The following SUDS3 variants were observed in gnomAD, a reference collection of about 807,000 sequenced individuals.
The protein encoded by SUDS3 is sin3 histone deacetylase corepressor complex component SDS3.
Under a neutral mutation model 53.5 loss-of-function variants are expected in SUDS3, and 23 were observed. The ratio of observed to expected loss-of-function variants is 0.43; its 90% CI spans 0.31 to 0.61. The LOEUF is 0.61. Ranked by LOEUF, SUDS3 falls within the 20% of genes least tolerant of loss-of-function variation. The pLI, the probability that SUDS3 is intolerant of heterozygous loss-of-function variation, is 0.10. For synonymous variants in SUDS3, 150 were observed against 148.5 expected (o/e 1.01, Z -0.08); for missense variants, 291 against 405.9 (o/e 0.72, Z 2.43).
rs150936388 is a variant in SUDS3 at position 118,414,053 on chromosome 12, A to T, written c.889-282A>T. On this transcript the variant is annotated intron_variant, in intron 11 of 11. Coordinates refer to ENST00000543473, the MANE Select transcript of SUDS3 (RefSeq NM_022491.3). ...AAAGCATCTTTAAGATCAAGGCAGA[A>T]ATGGAACCCAAGATTGCTGTGCTTT... is the stretch of plus-strand genomic sequence containing the variant. 8.5e-5 allele frequency among the ~76,000 whole-genome samples: 13 copies of T among 152,350 alleles called. No individual in the cohort carries two copies. The East Asian group carries it at 2.3e-3, about 27-fold the overall frequency.
In SUDS3 at chr12:118,414,644, A is replaced by G. The variant is rs1186861533; in HGVS notation, c.*211A>G. 2.4e-5 allele frequency: 11 copies of G among 465,236 alleles called. No homozygotes were observed. Among genetic ancestry groups the G allele is most frequent in the Non-Finnish European group, 4.2e-5 (11 of 263,988 alleles). 28.8% of individuals were successfully genotyped at this position (465,236 alleles called of 1,614,324 possible). ...TTTTCTGCCTCAACTTCTTCCAGACATCAGTCACCATGAGACTGTTTTACT... is the reference window on the plus strand; with the variant it reads ...TTTTCTGCCTCAACTTCTTCCAGACGTCAGTCACCATGAGACTGTTTTACT... On this transcript the variant is annotated 3_prime_UTR_variant, in exon 12 of 12. Coordinates refer to ENST00000543473, the MANE Select transcript of SUDS3 (RefSeq NM_022491.3).
rs955533811 is a variant in SUDS3 at position 118,379,252 on chromosome 12, C to T, written c.143-910C>T. Among the ~76,000 whole-genome samples, 5 of 151,936 alleles carry T rather than the reference C, an allele frequency of 3.3e-5. No individual in the cohort carries two copies. In the East Asian group the frequency reaches 7.8e-4, roughly 24 times the overall value. On this transcript the variant is annotated intron_variant, in intron 1 of 11. Transcript: ENST00000543473. ...AGGAGTTCGAGACCAGCCTGGCCAA[C>T]GTGGCGAAACCTCATCTCTACTAAA...
At chr12:118,382,462 A>G (rs912910272) in intron 2 of SUDS3, among the ~76,000 whole-genome samples, 3 of 151,092 alleles carry the variant, frequency 2.0e-5, no homozygotes, top group South Asian at 2.1e-4. Flanking sequence ...CTGGGGCTCA[A>G]TCCATTGATC....
At chr12:118,410,117 T>C (rs1385801424) in intron 10 of SUDS3, among the ~76,000 whole-genome samples, 2 of 152,224 alleles carry the variant, frequency 1.3e-5, no homozygotes, top group Non-Finnish European at 2.9e-5. Flanking sequence ...TTATCCCCAG[T>C]GTATTTGAAT....
At chr12:118,401,885 T>C (rs1294921530) in intron 8 of SUDS3, 65 bp downstream of exon 8, 1 of 1,602,186 alleles carries the variant, frequency 6.2e-7, no homozygotes, top group Non-Finnish European at 8.5e-7. Flanking sequence ...ATTTTGTTTG[T>C]TAACATGTTA....
intron 11 of SUDS3, 107 bp downstream of exon 11, chr12:118,411,264 T>C (rs2046356964): frequency 1.1e-6 from 1 of 926,554 alleles, no homozygotes; most frequent in Admixed American, 2.2e-5. Flanking sequence ...AGTGGAGTAC[T>C]GTCTTCTATG....
At chr12:118,388,347 C>T (rs2046133190) in intron 4 of SUDS3, among the ~76,000 whole-genome samples, 2 of 152,104 alleles carry the variant, frequency 1.3e-5, no homozygotes, top group South Asian at 4.1e-4. Context: ...GGAAGGGGTC[C>T]ATAGCATTTG....
intron 1 of SUDS3, among the ~76,000 whole-genome samples, chr12:118,379,789 A>C (rs1476182754): frequency 6.6e-6 from 1 of 152,174 alleles, no homozygotes. Flanking sequence ...GAGACACCCT[A>C]TTCTGTGGCT....
At chr12:118,396,594 C>T (rs2046217583) in intron 6 of SUDS3, among the ~76,000 whole-genome samples, 1 of 152,152 alleles carries the variant, frequency 6.6e-6, no homozygotes, top group African/African-American at 2.4e-5. Flanking sequence ...TGAATCACTG[C>T]AATTAATATT....
chr12:118,380,488 G>C (rs2046046707), intron 2 of SUDS3, among the ~76,000 whole-genome samples: 1 of 152,208 alleles, frequency 6.6e-6, no homozygotes, highest in Non-Finnish European at 1.5e-5. Context: ...AAGCATTTCA[G>C]ATAAGGGATA....
chr12:118,402,325 A>G (rs549601623), intron 9 of SUDS3: 3 of 387,006 alleles, frequency 7.8e-6, no homozygotes, highest in Non-Finnish European at 1.4e-5. Flanking sequence ...AAATGAAACC[A>G]GAAGGATTTT....
chr12:118,382,567 G>A (rs988788013), intron 2 of SUDS3, among the ~76,000 whole-genome samples: 1 of 151,176 alleles, frequency 6.6e-6, no homozygotes, highest in African/African-American at 2.4e-5. Context: ...AGGTCTCACT[G>A]TGTTGCCCAG....
intron 4 of SUDS3, among the ~76,000 whole-genome samples, chr12:118,387,239 CCT>C (rs1215745192): frequency 1.3e-5 from 2 of 152,178 alleles, no homozygotes; most frequent in Non-Finnish European, 2.9e-5. Context: ...TCCTGAAGCA[CCT>C]CCTTGAGATG....
At chr12:118,379,288 G>A (rs2046031916) in intron 1 of SUDS3, among the ~76,000 whole-genome samples, 1 of 151,980 alleles carries the variant, frequency 6.6e-6, no homozygotes, top group East Asian at 2.0e-4. Flanking sequence ...AATACAAAAA[G>A]TAGCCGGGTG....
At chr12:118,397,301 G>T (rs1052268823) in intron 6 of SUDS3, among the ~76,000 whole-genome samples, 1 of 152,110 alleles carries the variant, frequency 6.6e-6, no homozygotes, top group Non-Finnish European at 1.5e-5. Context: ...CAGATTGAGC[G>T]TCTTGGGACT....
intron 4 of SUDS3, among the ~76,000 whole-genome samples, chr12:118,388,470 A>G (rs1243877358): frequency 2.0e-5 from 3 of 152,164 alleles, no homozygotes; most frequent in Admixed American, 2.0e-4. Context: ...CCATGGAGCA[A>G]TTTTGCTTCA....
rs747407587 is a variant in SUDS3, at chr12:118,402,001, C to G, written c.694C>G (p.Pro232Ala). The change falls in exon 9 of 12, where the codon CCA (proline) becomes GCA (alanine). Residue 232 changes from proline to alanine, a missense_variant. Pro to Ala is a conservative substitution (Grantham distance 27). This residue lies in a region of SUDS3 where 77 missense variants were observed against 87.1 expected (regional missense o/e 0.88). Coordinates refer to ENST00000543473, the MANE Select transcript of SUDS3 (RefSeq NM_022491.3). ...TLNKLKSPKR[P>A]ASPSSPEHLP... ...CCTACAGCTTAAGTCACCCAAGAGA[C>G]CAGGTGAGTGCATGATGTGTTGGCA... 1.2e-6 allele frequency: 2 copies of G among 1,613,898 alleles called. No homozygotes were observed. The highest frequency in any genetic ancestry group is 2.2e-5 in the South Asian group (2 of 91,076).
chr12:118,381,523 C>T (rs2046059543), intron 2 of SUDS3, among the ~76,000 whole-genome samples: 2 of 151,904 alleles, frequency 1.3e-5, no homozygotes, highest in Non-Finnish European at 2.9e-5. Flanking sequence ...GCAAGGACTA[C>T]AGGCACATGC....
chr12:118,378,281 C>T (rs1203398796), intron 1 of SUDS3, among the ~76,000 whole-genome samples: 1 of 152,090 alleles, frequency 6.6e-6, no homozygotes, highest in African/African-American at 2.4e-5. Context: ...TGTCAGATTC[C>T]CCTTTTTTAT....
Sources: gnomAD v4.1 joint callset for allele counts (sites outside exome capture counted in the v4.1 genomes callset) on GRCh38, gnomAD v4.1.1 for gene constraint, gnomAD v4.1.1 regional missense constraint, MANE v1.5 for transcripts, NCBI Gene and HGNC (gene_info 2026-07-23, HGNC 2026-07-21) for gene names.